Variants in MRTFB observed in about 807,000 individuals in gnomAD.
The protein encoded by MRTFB is myocardin related transcription factor B.
In MRTFB, 29 loss-of-function variants were observed where a neutral mutation model predicts 104.2. That is an observed-to-expected ratio of 0.28 (90% CI 0.21 to 0.38). The LOEUF is 0.38. Among genes scored for constraint, MRTFB ranks in the 10% least tolerant of loss-of-function variants. MRTFB has a pLI of 1.00. For synonymous variants in MRTFB, 535 were observed against 519.5 expected (o/e 1.03, Z -0.41); for missense variants, 1,270 against 1,341.6 (o/e 0.95, Z 0.83).
rs139755604 is a variant in MRTFB, at chr16:14,174,512, G to A, written c.154+33752G>A. 8.8e-4 allele frequency among the ~76,000 whole-genome samples: 134 copies of A among 151,978 alleles called. 1 individual carries two copies. Among genetic ancestry groups the A allele is most frequent in the Middle Eastern group, 3.4e-3 (1 of 294 alleles). ...AGCCTGGCCAACATGGTGAAACCCC[G>A]CCTCTACTAAAAATACAAAAATGAG... On this transcript the variant is annotated intron_variant, in intron 3 of 16. Transcript: ENST00000571589.
At chr16:14,140,815 A>G in intron 3 of MRTFB, 55 bp downstream of exon 3, 1 of 1,604,864 alleles carries the variant, frequency 6.2e-7, no homozygotes, top group South Asian at 1.1e-5. Flanking sequence ...CCTCTTTGGG[A>G]GCCCAGTTTA....
At chr16:14,016,799 A>AT in the MRTFB span, among the ~76,000 whole-genome samples, 1 of 88,056 alleles carries the variant, frequency 1.1e-5, no homozygotes, top group South Asian at 4.8e-4. Flanking sequence ...AAAAAAAAAA[A>AT]GACCCTGACC....
At chr16:14,223,452 A>T (rs1266485649) in intron 8 of MRTFB, among the ~76,000 whole-genome samples, 1 of 152,180 alleles carries the variant, frequency 6.6e-6, no homozygotes, top group Non-Finnish European at 1.5e-5. Flanking sequence ...TCAAAAACTA[A>T]AAGAAAGAAA....
chr16:14,027,058 A>G, the MRTFB span, among the ~76,000 whole-genome samples: 1 of 152,250 alleles, frequency 6.6e-6, no homozygotes, highest in Non-Finnish European at 1.5e-5. Context: ...CTGCATATTT[A>G]TACCAAAGAA....
intron 16 of MRTFB, among the ~76,000 whole-genome samples, chr16:14,260,426 C>T (rs1430881942): frequency 6.6e-6 from 1 of 151,650 alleles, no homozygotes. Context: ...CATGTCTCAG[C>T]ACAAACTCAG....
intron 2 of MRTFB, among the ~76,000 whole-genome samples, chr16:14,128,868 AAC>A (rs1454564226): frequency 6.6e-6 from 1 of 152,204 alleles, no homozygotes. Flanking sequence ...GGTTTTGACA[AAC>A]ACACAGAGAC....
At chr16:14,167,904 G>T (rs937960843) in intron 3 of MRTFB, among the ~76,000 whole-genome samples, 14 of 151,852 alleles carry the variant, frequency 9.2e-5, no homozygotes, top group African/African-American at 3.4e-4. Context: ...AACCAGGATG[G>T]TCTCGATCTC....
the MRTFB span, among the ~76,000 whole-genome samples, chr16:14,023,696 T>C: frequency 6.6e-6 from 1 of 151,248 alleles, no homozygotes; most frequent in African/African-American, 2.4e-5. Context: ...TATATATACA[T>C]ATTTTATATG....
chr16:14,124,469 C>T (rs565206279), intron 2 of MRTFB, among the ~76,000 whole-genome samples: 2 of 152,288 alleles, frequency 1.3e-5, no homozygotes, highest in South Asian at 4.1e-4. Context: ...GAGTTTTTAG[C>T]ATGAAGCGGT....
At chr16:14,232,556 A>G (rs2042312515) in intron 8 of MRTFB, among the ~76,000 whole-genome samples, 1 of 152,196 alleles carries the variant, frequency 6.6e-6, no homozygotes, top group Non-Finnish European at 1.5e-5. Flanking sequence ...CCATCTTTCA[A>G]AGTAAGGTCC....
At chr16:14,260,569 A>T (rs965648818) in intron 16 of MRTFB, among the ~76,000 whole-genome samples, 3 of 152,218 alleles carry the variant, frequency 2.0e-5, no homozygotes, top group Admixed American at 6.5e-5. Context: ...AACCATTGAT[A>T]CCTATCTAGT....
At chr16:14,027,510 A>G in the MRTFB span, among the ~76,000 whole-genome samples, 1 of 152,198 alleles carries the variant, frequency 6.6e-6, no homozygotes, top group Non-Finnish European at 1.5e-5. Flanking sequence ...ACTGTATGCT[A>G]AAGAAATTAA....
chr16:14,222,871 C>T (rs902344307), intron 8 of MRTFB, among the ~76,000 whole-genome samples: 9 of 150,442 alleles, frequency 6.0e-5, no homozygotes, highest in Middle Eastern at 6.8e-3. Flanking sequence ...TTTTCACATG[C>T]CAAATTTTCA....
Position 14,212,347 on chromosome 16 carries a change from C to T in MRTFB, c.221-7C>T, listed in dbSNP as rs753036306. 3.1e-6 allele frequency: 5 copies of T among 1,613,592 alleles called. No individual in the cohort carries two copies. The highest frequency in any genetic ancestry group is 4.2e-6 in the Non-Finnish European group (5 of 1,179,702). On this transcript the variant is annotated splice_region_variant and splice_polypyrimidine_tract_variant and intron_variant, in intron 4 of 16. Transcript: ENST00000571589. ...TTATACTGTGGAAACCATTTCTTTTCTCACAGCTTTGAAGAGCCCAGCGGC... is the reference window on the plus strand; with the variant it reads ...TTATACTGTGGAAACCATTTCTTTTTTCACAGCTTTGAAGAGCCCAGCGGC...
At chr16:14,159,924 C>T (rs1396648002) in intron 3 of MRTFB, among the ~76,000 whole-genome samples, 1 of 102,222 alleles carries the variant, frequency 9.8e-6, no homozygotes, top group Admixed American at 1.0e-4. Flanking sequence ...AGCGAGACTC[C>T]GTCTCAAAAA....
At chr16:14,004,377 C>G in the MRTFB span, among the ~76,000 whole-genome samples, 2 of 152,140 alleles carry the variant, frequency 1.3e-5, no homozygotes, top group Non-Finnish European at 2.9e-5. Context: ...CAGAGGTCCA[C>G]GGGTGAAGCT....
rs547797214 is a variant in MRTFB at position 14,148,390 on chromosome 16, G to C, written c.154+7630G>C. 5.3e-5 allele frequency among the ~76,000 whole-genome samples: 8 copies of C among 152,250 alleles called. No individual in the cohort carries two copies. In the South Asian group the frequency reaches 1.2e-3, roughly 24 times the overall value. ...CCTGTTCTCTACCATACCTATAAAAGAGCCTAATGAATACAGGGAATGTAC... is the reference window on the plus strand; with the variant it reads ...CCTGTTCTCTACCATACCTATAAAACAGCCTAATGAATACAGGGAATGTAC... On this transcript the variant is annotated intron_variant, in intron 3 of 16. Coordinates refer to ENST00000571589, the MANE Select transcript of MRTFB (RefSeq NM_001308142.2).
At chr16:14,235,649 G>C (rs1432463125) in intron 9 of MRTFB, among the ~76,000 whole-genome samples, 1 of 152,160 alleles carries the variant, frequency 6.6e-6, no homozygotes, top group Non-Finnish European at 1.5e-5. Flanking sequence ...AATTCTTCCA[G>C]TGTTTCTATA....
chr16:14,000,850 G>GAACCC, the MRTFB span, among the ~76,000 whole-genome samples: 1 of 152,236 alleles, frequency 6.6e-6, no homozygotes, highest in South Asian at 2.1e-4. Context: ...CAGTGTCAAG[G>GAACCC]AACCCAACCC....
Sources: gnomAD v4.1 joint callset for allele counts (sites outside exome capture counted in the v4.1 genomes callset) on GRCh38, gnomAD v4.1.1 for gene constraint, MANE v1.5 for transcripts, NCBI Gene and HGNC (gene_info 2026-07-23, HGNC 2026-07-21) for gene names.